Variants in GPM6A observed in about 807,000 individuals in gnomAD.
The protein encoded by GPM6A is neuronal membrane glycoprotein M6-a.
GPM6A carries 7 observed loss-of-function variants against 32.1 expected under a neutral mutation model. The observed-to-expected ratio is 0.22, with a 90% CI of 0.12 to 0.41. The LOEUF (loss-of-function observed/expected upper bound fraction) is 0.41. GPM6A is among the 10% of genes least tolerant of loss of function. The pLI is 1.00. For synonymous variants in GPM6A, 130 were observed against 123.4 expected, an observed-to-expected ratio of 1.05 and a Z score of -0.35; for missense variants, 235 against 347.2, an observed-to-expected ratio of 0.68 and a Z score of 2.57.
At chr4:175,789,850 A>G (rs1303771191) in intron 1 of GPM6A, among the ~76,000 whole-genome samples, 3 of 152,184 alleles carry the variant, frequency 2.0e-5, no homozygotes, top group Admixed American at 1.3e-4. Flanking sequence ...GTGCCTTTGT[A>G]TGCCATCTGC....
At chr4:175,778,224 T>C (rs1419133857) in intron 1 of GPM6A, among the ~76,000 whole-genome samples, 1 of 152,188 alleles carries the variant, frequency 6.6e-6, no homozygotes, top group Non-Finnish European at 1.5e-5. Flanking sequence ...AGCATTTAGA[T>C]TTAGGCTACA....
intron 1 of GPM6A, among the ~76,000 whole-genome samples, chr4:175,939,647 A>AAGT (rs2126337797): frequency 6.6e-6 from 1 of 152,316 alleles, no homozygotes; most frequent in East Asian, 1.9e-4. Flanking sequence ...ACTGTAATAT[A>AAGT]AGCCTACCAG....
intron 1 of GPM6A, among the ~76,000 whole-genome samples, chr4:175,732,481 A>G (rs934940712): frequency 6.6e-6 from 1 of 152,192 alleles, no homozygotes; most frequent in Non-Finnish European, 1.5e-5. Flanking sequence ...GTATATATAC[A>G]TCATGTTTGT....
chr4:175,693,682 A>C (rs1330868452), intron 2 of GPM6A, among the ~76,000 whole-genome samples: 1 of 152,228 alleles, frequency 6.6e-6, no homozygotes, highest in Non-Finnish European at 1.5e-5. Context: ...CATAAAGAAC[A>C]AAGCAAGTTT....
chr4:175,873,518 A>G (rs948675547), intron 1 of GPM6A, among the ~76,000 whole-genome samples: 7 of 152,178 alleles, frequency 4.6e-5, no homozygotes, highest in African/African-American at 1.7e-4. Flanking sequence ...GATAAAAAAC[A>G]TAGCCAAACT....
chr4:175,820,847 C>A (rs913321327), intron 1 of GPM6A, among the ~76,000 whole-genome samples: 1 of 152,192 alleles, frequency 6.6e-6, no homozygotes, highest in African/African-American at 2.4e-5. Context: ...TTATATGTCT[C>A]TTTTCGCAAC....
chr4:175,958,065 G>C (rs941209615), intron 1 of GPM6A, among the ~76,000 whole-genome samples: 4 of 152,048 alleles, frequency 2.6e-5, no homozygotes, highest in Non-Finnish European at 5.9e-5. Flanking sequence ...GCTAATTTTT[G>C]TGTTTTTACT....
Position 175,857,901 on chromosome 4 carries a change from A to C in GPM6A, c.-22-45652T>G, listed in dbSNP as rs889713891. ...AGAAAGATTAAAAAAATAGCAACCT[A>C]TGTTTTTGCAGATGCCAATTAGAAA... On this transcript the variant is annotated intron_variant, in intron 1 of 7. Coordinates refer to the GPM6A transcript ENST00000280187. Among the ~76,000 whole-genome samples, 3 of 152,310 alleles carry C rather than the reference A, an allele frequency of 2.0e-5. No homozygotes were observed. In the South Asian group the frequency reaches 6.2e-4, roughly 32 times the overall value.
chr4:175,964,064 A>C (rs1740254920), intron 1 of GPM6A, among the ~76,000 whole-genome samples: 1 of 152,148 alleles, frequency 6.6e-6, no homozygotes, highest in Non-Finnish European at 1.5e-5. Context: ...ATGCTCAATT[A>C]AAACCAGAAA....
At chr4:175,806,816 G>T (rs1456604153) in intron 1 of GPM6A, 2 of 152,206 alleles carry the variant, frequency 1.3e-5, no homozygotes, top group African/African-American at 2.4e-5. Context: ...TCTTAGGAGA[G>T]ATTTTTCCTA....
chr4:175,783,498 A>G (rs976175103), intron 1 of GPM6A, among the ~76,000 whole-genome samples: 1 of 151,970 alleles, frequency 6.6e-6, no homozygotes, highest in Non-Finnish European at 1.5e-5. Flanking sequence ...AAACAATGCA[A>G]AATTTTCAAA....
At chr4:175,680,830 G>GCATA (rs1294483187) in intron 2 of GPM6A, among the ~76,000 whole-genome samples, 10 of 152,184 alleles carry the variant, frequency 6.6e-5, no homozygotes, top group African/African-American at 2.4e-4. Context: ...CATGAAATGT[G>GCATA]CATACTCCAT....
intron 1 of GPM6A, among the ~76,000 whole-genome samples, chr4:175,983,048 A>C (rs73873537): frequency 0.083 from 12,567 of 152,158 alleles, 1,478 homozygotes; most frequent in African/African-American, 0.26. Flanking sequence ...TTGTCAAGTG[A>C]CTTTTATTGC....
intron 1 of GPM6A, among the ~76,000 whole-genome samples, chr4:175,922,326 G>T (rs937348745): frequency 2.6e-5 from 4 of 152,098 alleles, no homozygotes; most frequent in Admixed American, 2.6e-4. Flanking sequence ...CCTGATGTCA[G>T]CAATCAGTCC....
At chr4:175,878,856 C>A (rs1393818083) in intron 1 of GPM6A, among the ~76,000 whole-genome samples, 2 of 152,126 alleles carry the variant, frequency 1.3e-5, no homozygotes, top group Non-Finnish European at 2.9e-5. Flanking sequence ...TGCTTTGCTT[C>A]CCTTTTAAAT....
At chr4:175,929,636 A>G (rs754303557) in intron 1 of GPM6A, among the ~76,000 whole-genome samples, 13 of 152,184 alleles carry the variant, frequency 8.5e-5, no homozygotes, top group South Asian at 2.1e-4. Flanking sequence ...TCCCTTTGAA[A>G]TAGAATGAGA....
chr4:175,909,049 G>GC (rs1554000502), intron 1 of GPM6A, among the ~76,000 whole-genome samples: 1 of 81,764 alleles, frequency 1.2e-5, no homozygotes, highest in East Asian at 4.6e-4. Context: ...GGGCGGGGGG[G>GC]GGGCAACTAG....
intron 1 of GPM6A, among the ~76,000 whole-genome samples, chr4:175,912,370 T>G (rs929447438): frequency 6.6e-6 from 1 of 152,010 alleles, no homozygotes. Context: ...AGCATAAAGG[T>G]CTTGCTGGGC....
intron 1 of GPM6A, among the ~76,000 whole-genome samples, chr4:175,888,361 G>A (rs1156571731): frequency 1.3e-5 from 2 of 152,066 alleles, no homozygotes; most frequent in Admixed American, 1.3e-4. Context: ...ATACTACAGA[G>A]TAAATCATAA....
Sources: gnomAD v4.1 joint callset for allele counts (sites outside exome capture counted in the v4.1 genomes callset) on GRCh38, gnomAD v4.1.1 for gene constraint, MANE v1.5 for transcripts, NCBI Gene and HGNC (gene_info 2026-07-23, HGNC 2026-07-21) for gene names.